STAU2: variants seen among roughly 807,000 people sequenced by gnomAD.
STAU2 encodes the protein staufen double-stranded RNA binding protein 2.
Under a neutral mutation model 65.9 loss-of-function variants are expected in STAU2, and 20 were observed. The observed-to-expected ratio is 0.30, with a 90% CI of 0.21 to 0.44. STAU2 has a LOEUF of 0.44. Among genes scored for constraint, STAU2 ranks in the 20% least tolerant of loss-of-function variants. The pLI is 1.00. For missense variants in STAU2, 558 were observed against 683.9 expected, an observed-to-expected ratio of 0.82 and a Z score of 2.05; for synonymous variants, 232 against 233.9, an observed-to-expected ratio of 0.99 and a Z score of 0.07.
chr8:73,590,139 A>AG (rs1159990464), intron 11 of STAU2, among the ~76,000 whole-genome samples: 17 of 131,788 alleles, frequency 1.3e-4, no homozygotes, highest in African/African-American at 4.7e-4. Flanking sequence ...AGAAATGAGA[A>AG]GAAGGAAGGA....
intron 11 of STAU2, among the ~76,000 whole-genome samples, chr8:73,593,880 TACACACACACACAC>T (rs3032945): frequency 5.2e-4 from 78 of 150,418 alleles, no homozygotes; most frequent in Non-Finnish European, 9.6e-4. Context: ...GACACACACA[TACACACACACACAC>T]ACACACACAC....
At chr8:73,457,216 AAC>A (rs1819117325) in intron 13 of STAU2, among the ~76,000 whole-genome samples, 2 of 129,086 alleles carry the variant, frequency 1.5e-5, no homozygotes, top group Admixed American at 1.6e-4. Context: ...CCAGCTTAGA[AAC>A]ACACAGAAAG....
intron 13 of STAU2, among the ~76,000 whole-genome samples, chr8:73,485,988 G>A (rs947672684): frequency 1.3e-5 from 2 of 152,156 alleles, no homozygotes; most frequent in Non-Finnish European, 2.9e-5. Context: ...GTCCAGTAGA[G>A]GAAGAGGCTG....
chr8:73,589,202 T>C (rs1810594046), intron 11 of STAU2, among the ~76,000 whole-genome samples: 1 of 152,158 alleles, frequency 6.6e-6, no homozygotes, highest in Admixed American at 6.5e-5. Context: ...AGTTAATAAC[T>C]AGACTGATGC....
At position 73,625,372 on chromosome 8, in the gene STAU2, C is replaced by T. The variant is rs573166043; in HGVS notation, c.411-7921G>A. Among the ~76,000 whole-genome samples the T allele has an allele frequency of 3.9e-5, 6 of 152,186 alleles. No homozygotes were observed. The East Asian group carries it at 7.7e-4, about 20-fold the overall frequency. ...TCCCCACAATGGAGTGTTTTACAGT[C>T]GTACAAAGGAATGAAGTATAATTAC... On this transcript the variant is annotated intron_variant, in intron 6 of 14. Coordinates refer to ENST00000524300, the MANE Select transcript of STAU2 (RefSeq NM_001164380.2).
intron 9 of STAU2, among the ~76,000 whole-genome samples, chr8:73,609,801 C>G (rs1188102467): frequency 6.6e-6 from 1 of 151,928 alleles, no homozygotes; most frequent in African/African-American, 2.4e-5. Flanking sequence ...AGTAGTATGC[C>G]CAGTTCATGA....
intron 13 of STAU2, among the ~76,000 whole-genome samples, chr8:73,495,356 A>T (rs544469280): frequency 2.0e-5 from 3 of 151,542 alleles, no homozygotes; most frequent in Admixed American, 1.3e-4. Flanking sequence ...GTATTCTGCC[A>T]TTTAATTGGA....
chr8:73,548,912 A>T (rs978132893), intron 13 of STAU2, among the ~76,000 whole-genome samples: 4 of 152,228 alleles, frequency 2.6e-5, no homozygotes, highest in African/African-American at 9.6e-5. Flanking sequence ...CAAAGAAACC[A>T]CTTATATTTA....
At chr8:73,641,498 AGTT>A (rs1326041257) in intron 6 of STAU2, among the ~76,000 whole-genome samples, 1 of 152,232 alleles carries the variant, frequency 6.6e-6, no homozygotes, top group Non-Finnish European at 1.5e-5. Flanking sequence ...CCCTTTAACT[AGTT>A]GTTAAGATCT....
chr8:73,451,235 G>A (rs1303660371), intron 13 of STAU2, among the ~76,000 whole-genome samples: 1 of 152,060 alleles, frequency 6.6e-6, no homozygotes, highest in Non-Finnish European at 1.5e-5. Flanking sequence ...ACCTACAGCC[G>A]TCAGCTTCTT....
intron 13 of STAU2, chr8:73,438,792 AC>A (rs1817901215): frequency 2.7e-6 from 1 of 371,752 alleles, no homozygotes; most frequent in African/African-American, 2.1e-5. Context: ...AGGCCCGCTA[AC>A]GGGGACAAGG....
chr8:73,566,788 T>A (rs1185318913), intron 12 of STAU2, among the ~76,000 whole-genome samples: 1 of 152,222 alleles, frequency 6.6e-6, no homozygotes, highest in Non-Finnish European at 1.5e-5. Context: ...AGCCTCCTTA[T>A]GTTGTTTTTC....
intron 12 of STAU2, among the ~76,000 whole-genome samples, chr8:73,575,829 C>T (rs1809504562): frequency 6.7e-6 from 1 of 149,824 alleles, no homozygotes; most frequent in African/African-American, 2.5e-5. Flanking sequence ...CACAAAAAAC[C>T]ACAAGTTACC....
intron 13 of STAU2, among the ~76,000 whole-genome samples, chr8:73,435,670 T>G (rs1052417311): frequency 6.6e-6 from 1 of 151,994 alleles, no homozygotes; most frequent in Admixed American, 6.5e-5. Flanking sequence ...CTCCAAGGAA[T>G]ATGGATAATA....
At chr8:73,540,575 C>T (rs1433330168) in intron 13 of STAU2, among the ~76,000 whole-genome samples, 1 of 152,076 alleles carries the variant, frequency 6.6e-6, no homozygotes, top group Non-Finnish European at 1.5e-5. Context: ...GAACAGATGT[C>T]AAGTTTACCA....
intron 12 of STAU2, among the ~76,000 whole-genome samples, chr8:73,575,128 T>A (rs1809434065): frequency 1.4e-5 from 2 of 138,046 alleles, no homozygotes; most frequent in Non-Finnish European, 3.1e-5. Context: ...TCCTACCAAG[T>A]AAAAAAAAAA....
chr8:73,583,311 A>G (rs931222864), intron 11 of STAU2, among the ~76,000 whole-genome samples: 2 of 151,960 alleles, frequency 1.3e-5, no homozygotes, highest in Non-Finnish European at 2.9e-5. Flanking sequence ...ACGCCCGGCT[A>G]ATTTTTGTAT....
intron 13 of STAU2, among the ~76,000 whole-genome samples, chr8:73,520,290 T>A (rs1228003265): frequency 6.6e-6 from 1 of 152,228 alleles, no homozygotes; most frequent in East Asian, 1.9e-4. Flanking sequence ...TCAGATGTAT[T>A]ATAAGAATAA....
In STAU2 at chr8:73,421,366, G is replaced by A. The variant is rs867437327; in HGVS notation, c.*6C>T. 3.3e-6 allele frequency: 5 copies of A among 1,537,218 alleles called. No individual in the cohort carries two copies. The Middle Eastern group carries it at 5.0e-4, about 155-fold the overall frequency. On this transcript the variant is annotated 3_prime_UTR_variant, in exon 15 of 15. Coordinates refer to ENST00000524300, the MANE Select transcript of STAU2 (RefSeq NM_001164380.2). ...ATGCGGTGGCAGCCGCGGGTTCTGG[G>A]AGCTGCTAGACGGCCGAGTTTGATT...
Sources: allele counts gnomAD v4.1 joint callset (sites outside exome capture counted in the v4.1 genomes callset), GRCh38; gene constraint gnomAD v4.1.1; transcripts MANE v1.5; gene names NCBI Gene and HGNC (gene_info 2026-07-23, HGNC 2026-07-21).